RAPGEF2: variants seen among roughly 807,000 people sequenced by gnomAD.
RAPGEF2 encodes the protein Rap guanine nucleotide exchange factor 2.
In RAPGEF2, 54 loss-of-function variants were observed where a neutral mutation model predicts 186.7. The observed-to-expected ratio is 0.29, with a 90% CI of 0.23 to 0.36. The LOEUF (loss-of-function observed/expected upper bound fraction) is 0.36, where lower values mean the gene tolerates loss of function less well. Ranked by LOEUF, RAPGEF2 falls within the 10% of genes least tolerant of loss-of-function variation. The pLI is 1.00. For synonymous variants in RAPGEF2, 712 were observed against 705.9 expected (o/e 1.01, Z -0.14); for missense variants, 1,532 against 2,045.0 (o/e 0.75, Z 4.84).
At chr4:159,234,081 G>A (rs559429237) in intron 4 of RAPGEF2, among the ~76,000 whole-genome samples, 6 of 151,810 alleles carry the variant, frequency 4.0e-5, no homozygotes, top group Admixed American at 2.0e-4. Flanking sequence ...TGTTGAATCT[G>A]TAGATCACCT....
intron 7 of RAPGEF2, among the ~76,000 whole-genome samples, chr4:159,299,805 T>G (rs1019918552): frequency 6.6e-6 from 1 of 152,060 alleles, no homozygotes; most frequent in Admixed American, 6.6e-5. Flanking sequence ...CCTATTTATA[T>G]ATTATAGAGA....
rs180702827 is a variant in RAPGEF2 at position 159,286,258 on chromosome 4, T to C, written c.544-18084T>C. Among the ~76,000 whole-genome samples the C allele has an allele frequency of 8.1e-4, 124 of 152,232 alleles. 1 individual carries two copies. The highest frequency in any genetic ancestry group is 5.4e-4 in the Non-Finnish European group (37 of 68,012). On this transcript the variant is annotated intron_variant, in intron 7 of 29. Coordinates refer to ENST00000691494, the MANE Select transcript of RAPGEF2 (RefSeq NM_001394067.2). ...CCTCTGTATCCTTCAGCAAGTCTTA[T>C]TTCTTCTACCTGCCTCACCATGAAT...
At chr4:159,111,592 G>A (rs924801130) in intron 1 of RAPGEF2, among the ~76,000 whole-genome samples, 44 of 152,136 alleles carry the variant, frequency 2.9e-4, no homozygotes, top group African/African-American at 1.0e-3. Flanking sequence ...GGTCATTCTG[G>A]GGAGGTCTGA....
At chr4:159,180,270 T>C (rs1216600453) in intron 1 of RAPGEF2, among the ~76,000 whole-genome samples, 1 of 152,206 alleles carries the variant, frequency 6.6e-6, no homozygotes, top group Admixed American at 6.5e-5. Context: ...TGCTTATCTC[T>C]AGTAAACTTT....
At chr4:159,252,559 G>A (rs1227526971) in intron 7 of RAPGEF2, among the ~76,000 whole-genome samples, 3 of 152,142 alleles carry the variant, frequency 2.0e-5, no homozygotes, top group Non-Finnish European at 4.4e-5. Flanking sequence ...GAATACTGAC[G>A]GCTCAGTTTA....
chr4:159,130,583 T>C (rs918005055), intron 1 of RAPGEF2, among the ~76,000 whole-genome samples: 4 of 152,336 alleles, frequency 2.6e-5, no homozygotes, highest in Non-Finnish European at 4.4e-5. Context: ...ATCTAAAGTC[T>C]AATTTTATTA....
At chr4:159,295,738 TGTGTGTGTGTGTGTGTGCGCGCGCGCGC>T (rs2092183446) in intron 7 of RAPGEF2, among the ~76,000 whole-genome samples, 2 of 133,808 alleles carry the variant, frequency 1.5e-5, no homozygotes, top group African/African-American at 3.4e-5. Flanking sequence ...TGTGTGTGTG[TGTGTGTGTGTGTGTGTGCGCGCGCGCGC>T]GCGCGCGCAT....
chr4:159,171,533 A>G (rs987703092), intron 1 of RAPGEF2, among the ~76,000 whole-genome samples: 4 of 152,096 alleles, frequency 2.6e-5, no homozygotes, highest in Admixed American at 2.6e-4. Context: ...GAGAGTATGC[A>G]GGGGAATTGC....
intron 1 of RAPGEF2, among the ~76,000 whole-genome samples, chr4:159,104,553 A>AGAGAGTGTGT (rs1553991869): frequency 2.9e-5 from 4 of 136,026 alleles, no homozygotes; most frequent in African/African-American, 5.9e-5. Context: ...AGAGAGAGAG[A>AGAGAGTGTGT]GTGTGTGTGT....
chr4:159,306,870 G>T lies in RAPGEF2; in HGVS notation c.675+2397G>T, dbSNP rs148158541. ...TCCTTGTGTTTTTAAAAAATTATTA[G>T]ATTTAGTATCTGCTTAAAATAAATT... On this transcript the variant is annotated intron_variant, in intron 8 of 29. Transcript: ENST00000691494. 3.1e-3 allele frequency among the ~76,000 whole-genome samples: 469 copies of T among 152,206 alleles called. 2 individuals carry two copies. Among genetic ancestry groups the T allele is most frequent in the African/African-American group, 0.01 (421 of 41,558 alleles).
chr4:159,252,157 C>T (rs1252099180), intron 7 of RAPGEF2, among the ~76,000 whole-genome samples: 1 of 152,164 alleles, frequency 6.6e-6, no homozygotes, highest in East Asian at 1.9e-4. Flanking sequence ...ACTTTTCAGG[C>T]TTAAGAGATC....
At chr4:159,180,715 C>A (rs1260647915) in intron 1 of RAPGEF2, among the ~76,000 whole-genome samples, 1 of 152,078 alleles carries the variant, frequency 6.6e-6, no homozygotes, top group Non-Finnish European at 1.5e-5. Context: ...AATAATGACA[C>A]GTTTGAAAGT....
chr4:159,325,822 A>ATT (rs1395421264), intron 11 of RAPGEF2, among the ~76,000 whole-genome samples: 60 of 152,246 alleles, frequency 3.9e-4, no homozygotes, highest in South Asian at 1.9e-3. Flanking sequence ...AAGGAAGAGG[A>ATT]AGTAGGGGTT....
intron 7 of RAPGEF2, among the ~76,000 whole-genome samples, chr4:159,250,051 G>T (rs1755120919): frequency 6.6e-6 from 1 of 152,138 alleles, no homozygotes; most frequent in Non-Finnish European, 1.5e-5. Flanking sequence ...TACCTTTAAA[G>T]ATATTTTGGG....
At chr4:159,184,520 G>T (rs1322297560) in intron 1 of RAPGEF2, among the ~76,000 whole-genome samples, 1 of 152,132 alleles carries the variant, frequency 6.6e-6, no homozygotes, top group Non-Finnish European at 1.5e-5. Flanking sequence ...TCATTTGTCT[G>T]TTGGCTGCCT....
At chr4:159,305,165 C>A (rs1763132268) in intron 8 of RAPGEF2, among the ~76,000 whole-genome samples, 1 of 152,018 alleles carries the variant, frequency 6.6e-6, no homozygotes, top group South Asian at 2.1e-4. Context: ...CTTTTTGATA[C>A]AATGATTTAT....
At chr4:159,335,408 C>T (rs550687831) in intron 17 of RAPGEF2, among the ~76,000 whole-genome samples, 2 of 152,254 alleles carry the variant, frequency 1.3e-5, no homozygotes, top group African/African-American at 4.8e-5. Flanking sequence ...CAGAGAGGGA[C>T]ATTTCTGAAT....
intron 3 of RAPGEF2, among the ~76,000 whole-genome samples, chr4:159,194,621 C>T (rs1403751730): frequency 6.6e-6 from 1 of 152,048 alleles, no homozygotes; most frequent in African/African-American, 2.4e-5. Flanking sequence ...ACCTTAAACA[C>T]AAGATTATCA....
chr4:159,177,615 G>A lies in RAPGEF2; in HGVS notation c.70-9027G>A, dbSNP rs1014778024. ...CCTTCTTAGGATAGCTCTTTTGTAT[G>A]TTTTAGTGTAGAAGTATTTGAGATC... is the stretch of plus-strand genomic sequence containing the variant. On this transcript the variant is annotated intron_variant, in intron 1 of 29. Transcript: ENST00000691494. Among the ~76,000 whole-genome samples the A allele has an allele frequency of 7.2e-5, 11 of 152,238 alleles. No homozygotes were observed. In the East Asian group the frequency reaches 1.9e-3, roughly 27 times the overall value.
Sources: gnomAD v4.1 joint callset for allele counts (sites outside exome capture counted in the v4.1 genomes callset) on GRCh38, gnomAD v4.1.1 for gene constraint, MANE v1.5 for transcripts, NCBI Gene and HGNC (gene_info 2026-07-23, HGNC 2026-07-21) for gene names.